GART: variants seen among roughly 807,000 people sequenced by gnomAD.
The protein encoded by GART is phosphoribosylglycinamide formyltransferase, phosphoribosylglycinamide synthetase, phosphoribosylaminoimidazole synthetase, also known as trifunctional purine biosynthetic protein adenosine-3.
Under a neutral mutation model 107.2 loss-of-function variants are expected in GART, and 43 were observed. The observed-to-expected ratio is 0.40, with a 90% CI of 0.31 to 0.52. The LOEUF (loss-of-function observed/expected upper bound fraction) is 0.52, where lower values mean the gene tolerates loss of function less well. GART is among the 20% of genes least tolerant of loss of function. The pLI is 0.52. For missense variants in GART, 1,107 were observed against 1,206.5 expected (o/e 0.92, Z 1.22); for synonymous variants, 434 against 427.0 (o/e 1.02, Z -0.20).
chr21:33,534,661 C>T lies in GART; in HGVS notation c.334G>A (p.Glu112Lys), dbSNP rs867917804. The T allele has an allele frequency of 6.2e-7, 1 of 1,614,014 alleles. No individual in the cohort carries two copies. Among genetic ancestry groups the T allele is most frequent in the Non-Finnish European group, 8.5e-7 (1 of 1,179,952 alleles). ...QLESSKRFAK[E>K]FMDRHGIPTA... is the part of the protein sequence containing the mutation. ...GGGATTCCATGTCTGTCCATAAACT[C>T]TTTGGCAAACCTTTTGCTGGACTCT... The change falls in exon 4 of 22, where the codon GAG becomes AAG. Residue 112 changes from glutamate (E) to lysine (K), a missense_variant. Physicochemically the swap from Glu to Lys is moderately conservative, Grantham distance 56. Transcript: ENST00000381815.
At position 33,520,567 on chromosome 21, in the gene GART, G is replaced by A. The variant is rs2084954657; in HGVS notation, c.1504-5C>T. On this transcript the variant is annotated splice_polypyrimidine_tract_variant and splice_region_variant and intron_variant, in intron 13 of 21. Transcript: ENST00000381815. ...TTTATTGCATAGCTGGGCAATCTAT[G>A]TAAGAACAATATAAACATCCACATT... The A allele has an allele frequency of 6.2e-7, 1 of 1,611,082 alleles. No individual in the cohort carries two copies. The highest frequency in any genetic ancestry group is 1.1e-5 in the South Asian group (1 of 90,920).
intron 16 of GART, among the ~76,000 whole-genome samples, chr21:33,511,711 G>C (rs1210820873): frequency 6.6e-6 from 1 of 152,084 alleles, no homozygotes. Flanking sequence ...TAACTAACTA[G>C]ACCCTTAGAC....
intron 3 of GART, 130 bp downstream of exon 3, chr21:33,535,095 T>A: frequency 1.7e-6 from 1 of 603,960 alleles, no homozygotes; most frequent in Non-Finnish European, 2.6e-6. Flanking sequence ...CTCCATAAAT[T>A]TCGAGAGTGG....
intron 4 of GART, among the ~76,000 whole-genome samples, chr21:33,533,975 C>T (rs2085250109): frequency 1.3e-5 from 2 of 152,070 alleles, no homozygotes; most frequent in South Asian, 2.1e-4. Context: ...CGCACAACTG[C>T]AGAACCAAGT....
At chr21:33,509,751 A>G in intron 18 of GART, 32 bp downstream of exon 18, 1 of 1,607,500 alleles carries the variant, frequency 6.2e-7, no homozygotes, top group East Asian at 2.2e-5. Flanking sequence ...GGCAGTCAAC[A>G]GCTCTACAGT....
intron 14 of GART, chr21:33,518,983 C>T: frequency 2.9e-6 from 1 of 342,636 alleles, no homozygotes; most frequent in East Asian, 7.5e-5. Flanking sequence ...ATACTCACCC[C>T]TTCAATACCA....
At chr21:33,531,766 C>T (rs560061612) in intron 5 of GART, 3 of 512,510 alleles carry the variant, frequency 5.9e-6, no homozygotes, top group East Asian at 3.0e-5. Flanking sequence ...CTGGTACAGA[C>T]GGAATAAACA....
At chr21:33,538,265 C>G (rs1221121027) in intron 2 of GART, among the ~76,000 whole-genome samples, 1 of 126,450 alleles carries the variant, frequency 7.9e-6, no homozygotes, top group African/African-American at 2.8e-5. Flanking sequence ...AAAAAAAAGT[C>G]AGAGAGAGAT....
At chr21:33,528,376 A>G (rs761409297) in intron 9 of GART, 41 bp from the exon 10 acceptor site, 1 of 1,604,192 alleles carries the variant, frequency 6.2e-7, no homozygotes, top group Non-Finnish European at 8.5e-7. Context: ...GATAAATTTT[A>G]GTTTTCCTTA....
At chr21:33,515,026 T>C (rs1255387632) in intron 16 of GART, among the ~76,000 whole-genome samples, 2 of 152,226 alleles carry the variant, frequency 1.3e-5, no homozygotes, top group Non-Finnish European at 2.9e-5. Flanking sequence ...ACCTGCTTAG[T>C]TCAGCTGGAT....
intron 16 of GART, among the ~76,000 whole-genome samples, chr21:33,512,851 C>T (rs2084811482): frequency 6.6e-6 from 1 of 151,932 alleles, no homozygotes; most frequent in Admixed American, 6.6e-5. Flanking sequence ...TCCCAAAGCG[C>T]TGGGATTATA....
At chr21:33,531,847 A>G (rs2085197517) in intron 5 of GART, 2 of 358,398 alleles carry the variant, frequency 5.6e-6, no homozygotes, top group Admixed American at 8.5e-5. Context: ...AGATGTTTTC[A>G]TTATCGCCAC....
chr21:33,530,603 G>C, intron 7 of GART, 156 bp downstream of exon 7: 4 of 741,880 alleles, frequency 5.4e-6, no homozygotes, highest in Non-Finnish European at 7.5e-6. Context: ...GTTAGTTTTA[G>C]AGACCAGAAA....
In GART at chr21:33,511,384, C is replaced by A; in HGVS notation, c.2182G>T (p.Ala728Ser). Residue 728 changes from alanine (A) to serine (S), a missense_variant, in exon 17 of 22, where the codon GCC becomes TCC. By Grantham distance (99) the Ala-to-Ser change is moderately conservative. Coordinates refer to ENST00000381815, the MANE Select transcript of GART (RefSeq NM_000819.5). The part of the protein sequence containing the change: ...QEGHLSEEEM[A>S]RTFNCGVGAV... ...CCAACCCCACAGTTAAATGTTCTGG[C>A]CATCTCTTCCTCAGAGAGGTGTCCT... The A allele has an allele frequency of 6.2e-7, 1 of 1,614,136 alleles. No homozygotes were observed. Among genetic ancestry groups the A allele is most frequent in the South Asian group, 1.1e-5 (1 of 91,080 alleles).
intron 11 of GART, among the ~76,000 whole-genome samples, chr21:33,523,239 A>G (rs563816970): frequency 2.0e-5 from 3 of 152,326 alleles, no homozygotes; most frequent in African/African-American, 7.2e-5. Context: ...AAAGCATACA[A>G]AAACAAAAAA....
At chr21:33,520,720 C>T in intron 13 of GART, 158 bp from the exon 14 acceptor site, 1 of 707,624 alleles carries the variant, frequency 1.4e-6, no homozygotes, top group East Asian at 2.7e-5. Context: ...CTAAAGTACC[C>T]TTCCATCCAA....
rs562226789 is a variant in GART, at chr21:33,541,246, GC to G, written c.-42+818del. ...TACAACCTCCGCCTCCCGGGTTCAA[GC>G]GATTCTCTTGCCTCACAGCCTCCCA... On this transcript the variant is annotated intron_variant, in intron 1 of 21. Transcript: ENST00000381815. 5.3e-5 allele frequency among the ~76,000 whole-genome samples: 8 copies of G among 152,308 alleles called. No homozygotes were observed. In the South Asian group the frequency reaches 1.7e-3, roughly 32 times the overall value.
intron 12 of GART, 74 bp downstream of exon 12, chr21:33,522,114 G>T: frequency 1.7e-6 from 2 of 1,157,306 alleles, no homozygotes; most frequent in Non-Finnish European, 2.6e-6. Flanking sequence ...AAATATTCCT[G>T]TTAAATATAA....
chr21:33,505,300 A>G (rs2084659175), intron 20 of GART, among the ~76,000 whole-genome samples: 1 of 152,246 alleles, frequency 6.6e-6, no homozygotes, highest in Non-Finnish European at 1.5e-5. Flanking sequence ...ACTAAGCTAC[A>G]TTAGAAAAAG....
Sources: allele counts gnomAD v4.1 joint callset (sites outside exome capture counted in the v4.1 genomes callset), GRCh38; gene constraint gnomAD v4.1.1; transcripts MANE v1.5; gene names NCBI Gene and HGNC (gene_info 2026-07-23, HGNC 2026-07-21).